Variants in DCC observed in about 807,000 individuals in gnomAD.
The protein encoded by DCC is netrin receptor DCC.
A neutral mutation model predicts 172.5 loss-of-function variants in DCC; 58 were observed. The ratio of observed to expected loss-of-function variants is 0.34; its 90% CI spans 0.27 to 0.42. DCC has a LOEUF of 0.42. Among genes scored for constraint, DCC ranks in the 10% least tolerant of loss-of-function variants. The probability of loss-of-function intolerance (pLI) is 1.00; values close to 1 mark genes in which losing one functional copy is unlikely to be tolerated. For missense variants in DCC, 1,740 were observed against 1,791.0 expected, an observed-to-expected ratio of 0.97 and a Z score of 0.51; for synonymous variants, 709 against 644.5, an observed-to-expected ratio of 1.10 and a Z score of -1.52.
chr18:52,554,791 A>G (rs1045516585), intron 1 of DCC, among the ~76,000 whole-genome samples: 4 of 152,120 alleles, frequency 2.6e-5, no homozygotes, highest in Non-Finnish European at 5.9e-5. Flanking sequence ...ATGGTGAAGT[A>G]ACTTAGTCCT....
chr18:52,772,316 G>A (rs143535464), intron 2 of DCC, among the ~76,000 whole-genome samples: 40 of 152,322 alleles, frequency 2.6e-4, no homozygotes, highest in East Asian at 1.9e-3. Flanking sequence ...GAATAATAGC[G>A]AGAGGTTTGT....
intron 2 of DCC, among the ~76,000 whole-genome samples, chr18:52,861,503 T>A (rs2039141634): frequency 6.6e-6 from 1 of 152,202 alleles, no homozygotes; most frequent in South Asian, 2.1e-4. Context: ...TCATGAATAG[T>A]TTCCAAATTT....
intron 27 of DCC, among the ~76,000 whole-genome samples, chr18:53,508,860 A>T (rs1468440430): frequency 6.6e-6 from 1 of 152,206 alleles, no homozygotes; most frequent in Non-Finnish European, 1.5e-5. Flanking sequence ...TTGCTCTCAA[A>T]TCATAAATGC....
intron 5 of DCC, among the ~76,000 whole-genome samples, chr18:53,043,333 G>C (rs912084765): frequency 1.3e-5 from 2 of 151,856 alleles, no homozygotes; most frequent in African/African-American, 4.8e-5. Context: ...GGCAAGGGGA[G>C]AGATAACATT....
intron 1 of DCC, among the ~76,000 whole-genome samples, chr18:52,744,476 G>A (rs1188563105): frequency 6.6e-6 from 1 of 151,920 alleles, no homozygotes; most frequent in African/African-American, 2.4e-5. Context: ...TTTCTGATTT[G>A]CATTTTTTAG....
chr18:52,724,595 A>T (rs901392444), intron 1 of DCC, among the ~76,000 whole-genome samples: 3 of 152,086 alleles, frequency 2.0e-5, no homozygotes, highest in African/African-American at 7.2e-5. Flanking sequence ...TGAACCTGAA[A>T]TCTTCCTAAG....
At chr18:53,014,890 A>G (rs1320604456) in intron 5 of DCC, among the ~76,000 whole-genome samples, 1 of 152,192 alleles carries the variant, frequency 6.6e-6, no homozygotes, top group East Asian at 1.9e-4. Context: ...AGTAATGTAG[A>G]GGAATTGACA....
intron 2 of DCC, among the ~76,000 whole-genome samples, chr18:52,857,349 T>C (rs547842226): frequency 1.9e-4 from 29 of 152,306 alleles, no homozygotes; most frequent in African/African-American, 6.7e-4. Flanking sequence ...TTAGTTCTTT[T>C]TTTCTTGTTA....
chr18:53,420,134 A>T (rs28658157), intron 21 of DCC, among the ~76,000 whole-genome samples: 3 of 151,964 alleles, frequency 2.0e-5, no homozygotes, highest in Non-Finnish European at 4.4e-5. Flanking sequence ...GGATTCCAGG[A>T]GTAAGCCACC....
At chr18:52,886,685 T>C (rs115879649) in intron 2 of DCC, among the ~76,000 whole-genome samples, 2,619 of 152,272 alleles carry the variant, frequency 0.017, 56 homozygotes, top group African/African-American at 0.046. Context: ...ATGGTGTTGA[T>C]GATTCAAGAC....
intron 2 of DCC, among the ~76,000 whole-genome samples, chr18:52,802,744 C>A (rs935913499): frequency 7.4e-6 from 1 of 134,494 alleles, no homozygotes; most frequent in African/African-American, 2.7e-5. Flanking sequence ...GGGCTGAAGT[C>A]ATCCTCTAGC....
chr18:52,855,141 C>T (rs981418516), intron 2 of DCC, among the ~76,000 whole-genome samples: 1 of 152,188 alleles, frequency 6.6e-6, no homozygotes. Flanking sequence ...CTCATCTGTT[C>T]TCAGTTCTCC....
At chr18:52,935,345 T>A (rs899247997) in intron 5 of DCC, among the ~76,000 whole-genome samples, 3 of 148,914 alleles carry the variant, frequency 2.0e-5, no homozygotes, top group African/African-American at 7.4e-5. Flanking sequence ...ATATTTTAGG[T>A]CTTATATTTA....
chr18:52,997,740 T>G (rs2041504430), intron 5 of DCC, among the ~76,000 whole-genome samples: 1 of 152,114 alleles, frequency 6.6e-6, no homozygotes, highest in African/African-American at 2.4e-5. Flanking sequence ...ACAATGGCAT[T>G]TATACCAAGT....
chr18:53,170,313 T>C (rs571553481), intron 8 of DCC, among the ~76,000 whole-genome samples: 7 of 152,186 alleles, frequency 4.6e-5, no homozygotes, highest in Non-Finnish European at 1.0e-4. Context: ...TCCAGCCCTT[T>C]AAAAATGAAT....
chr18:52,944,946 T>C (rs533358172), intron 5 of DCC, among the ~76,000 whole-genome samples: 1 of 152,232 alleles, frequency 6.6e-6, no homozygotes, highest in Non-Finnish European at 1.5e-5. Flanking sequence ...ATCATATATC[T>C]CAAATAGCTT....
intron 9 of DCC, among the ~76,000 whole-genome samples, chr18:53,200,803 G>A (rs575267451): frequency 2.0e-5 from 3 of 152,188 alleles, no homozygotes; most frequent in Admixed American, 6.5e-5. Context: ...ACCATACACA[G>A]CCCCTACATT....
intron 1 of DCC, among the ~76,000 whole-genome samples, chr18:52,488,030 A>ATCCCGATCAATTGTTCCCG (rs2030318092): frequency 6.6e-6 from 1 of 152,088 alleles, no homozygotes; most frequent in Non-Finnish European, 1.5e-5. Flanking sequence ...AATTGTTCCC[A>ATCCCGATCAATTGTTCCCG]TCCCAATCAA....
At chr18:52,415,902 T>A (rs1239868401) in intron 1 of DCC, among the ~76,000 whole-genome samples, 3 of 152,220 alleles carry the variant, frequency 2.0e-5, no homozygotes, top group African/African-American at 4.8e-5. Flanking sequence ...AGTTATTTCT[T>A]GCCGTCTGCT....
Sources: gnomAD v4.1 joint callset for allele counts (sites outside exome capture counted in the v4.1 genomes callset) on GRCh38, gnomAD v4.1.1 for gene constraint, MANE v1.5 for transcripts, NCBI Gene and HGNC (gene_info 2026-07-23, HGNC 2026-07-21) for gene names.